Variants in EPM2A observed in about 807,000 individuals in gnomAD.
The protein encoded by EPM2A is laforin.
A neutral mutation model predicts 26.5 loss-of-function variants in EPM2A; 21 were observed. The ratio of observed to expected loss-of-function variants is 0.79; its 90% CI spans 0.56 to 1.14. The LOEUF (loss-of-function observed/expected upper bound fraction) is 1.14. EPM2A is among the 50% of genes most tolerant of loss of function. The pLI is 0.00. For synonymous variants in EPM2A, 217 were observed against 177.6 expected (o/e 1.22, Z -1.76); for missense variants, 458 against 440.8 (o/e 1.04, Z -0.35).
At chr6:145,471,757 C>A (rs755182265) in intron 4 of EPM2A, among the ~76,000 whole-genome samples, 2 of 152,026 alleles carry the variant, frequency 1.3e-5, no homozygotes, top group Non-Finnish European at 2.9e-5. Context: ...ACTTGAGTGC[C>A]CACAAACCTC....
chr6:145,727,636 T>G (rs960041636), intron 1 of EPM2A, among the ~76,000 whole-genome samples: 1 of 152,162 alleles, frequency 6.6e-6, no homozygotes, highest in Non-Finnish European at 1.5e-5. Context: ...GTCCCTACAC[T>G]CATAGAGTTT....
chr6:145,440,639 G>T (rs1779049788), intron 4 of EPM2A, among the ~76,000 whole-genome samples: 1 of 152,206 alleles, frequency 6.6e-6, no homozygotes, highest in Non-Finnish European at 1.5e-5. Context: ...ACAGGCATTG[G>T]TTAAATACAA....
At chr6:145,589,709 A>G (rs923956230) in intron 2 of EPM2A, among the ~76,000 whole-genome samples, 3 of 152,098 alleles carry the variant, frequency 2.0e-5, no homozygotes, top group Non-Finnish European at 2.9e-5. Flanking sequence ...GAGGACCTCA[A>G]TCTTGGTGAT....
intron 2 of EPM2A, among the ~76,000 whole-genome samples, chr6:145,549,883 C>T (rs1357907657): frequency 6.6e-6 from 1 of 152,056 alleles, no homozygotes; most frequent in Non-Finnish European, 1.5e-5. Context: ...CCTCATGTAC[C>T]ACACACCTCA....
chr6:145,466,248 CA>C lies in EPM2A; in HGVS notation c.555+36273del, dbSNP rs1201445059. ...AAATTTTCGCAACCTACTCATCTGACAAAGGGCTAATATCCAGAATCTACAA... is the reference window on the plus strand; with the variant it reads ...AAATTTTCGCAACCTACTCATCTGACAAGGGCTAATATCCAGAATCTACAA... On this transcript the variant is annotated intron_variant, in intron 4 of 4. Transcript: ENST00000638717. 2.7e-5 allele frequency among the ~76,000 whole-genome samples: 4 copies of C among 149,282 alleles called. No homozygotes were observed. In the East Asian group the frequency reaches 7.8e-4, roughly 29 times the overall value.
intron 2 of EPM2A, chr6:145,640,571 A>T (rs1267998931): frequency 6.6e-6 from 1 of 152,198 alleles, no homozygotes; most frequent in Non-Finnish European, 1.5e-5. Flanking sequence ...CTAAGAATTT[A>T]AAAGGAAAGA....
At chr6:145,391,320 C>G (rs890794170) in intron 4 of EPM2A, among the ~76,000 whole-genome samples, 2 of 152,166 alleles carry the variant, frequency 1.3e-5, no homozygotes, top group Admixed American at 1.3e-4. Context: ...AGCTGACAGA[C>G]ATTCCTTCCT....
chr6:145,475,787 A>G (rs1355077743), intron 4 of EPM2A, among the ~76,000 whole-genome samples: 1 of 152,112 alleles, frequency 6.6e-6, no homozygotes, highest in African/African-American at 2.4e-5. Flanking sequence ...ACCAAAAAAC[A>G]TACAATGGAT....
chr6:145,643,442 T>C (rs1011798023), intron 2 of EPM2A, among the ~76,000 whole-genome samples: 3 of 152,344 alleles, frequency 2.0e-5, no homozygotes, highest in East Asian at 3.9e-4. Flanking sequence ...AAAAACTTTA[T>C]ACACTGGATA....
chr6:145,568,299 G>C (rs187873503), intron 2 of EPM2A, among the ~76,000 whole-genome samples: 1 of 150,862 alleles, frequency 6.6e-6, no homozygotes, highest in South Asian at 2.1e-4. Flanking sequence ...GGTAAAAGCA[G>C]AACAGTAACC....
chr6:145,627,789 C>CA, intron 3 of EPM2A, 96 bp from the exon 4 acceptor site: 1 of 1,532,118 alleles, frequency 6.5e-7, no homozygotes, highest in Non-Finnish European at 8.8e-7. Context: ...CACAGGGCTG[C>CA]ACAGGGCCAG....
At chr6:145,516,517 G>T (rs1178379996) in intron 2 of EPM2A, among the ~76,000 whole-genome samples, 1 of 152,140 alleles carries the variant, frequency 6.6e-6, no homozygotes, top group Non-Finnish European at 1.5e-5. Flanking sequence ...GAGTATCAAA[G>T]AGACTGATAG....
At chr6:145,460,167 A>G (rs1228575120) in intron 4 of EPM2A, among the ~76,000 whole-genome samples, 2 of 152,154 alleles carry the variant, frequency 1.3e-5, no homozygotes, top group African/African-American at 4.8e-5. Context: ...TTTAGCTATA[A>G]AGGAGTTGAT....
intron 2 of EPM2A, among the ~76,000 whole-genome samples, chr6:145,567,249 AG>A (rs1163601021): frequency 2.0e-5 from 3 of 152,206 alleles, no homozygotes; most frequent in Non-Finnish European, 4.4e-5. Context: ...TCTTTTGGAA[AG>A]TTCTTCCTTA....
At position 145,540,025 on chromosome 6, in the gene EPM2A, G is replaced by T. The variant is rs75602740; in HGVS notation, c.341-37450C>A. Among the ~76,000 whole-genome samples, 249 of 152,202 alleles carry T rather than the reference G, an allele frequency of 1.6e-3. 1 individual carries two copies. The highest frequency in any genetic ancestry group is 5.8e-3 in the African/African-American group (241 of 41,534). On this transcript the variant is annotated intron_variant, in intron 2 of 3. Transcript: ENST00000450221. Reference sequence around the variant, plus strand: ...AGACAATCCTTCACCATTTTATCCTGCCTTGGCTGTTTCTTCCAGCAGAAA... The same window carrying T: ...AGACAATCCTTCACCATTTTATCCTTCCTTGGCTGTTTCTTCCAGCAGAAA...
chr6:145,705,922 G>A (rs972435003), intron 1 of EPM2A: 41 of 456,732 alleles, frequency 9.0e-5, no homozygotes, highest in Non-Finnish European at 1.5e-4. Context: ...AGATGGTGCT[G>A]GGTAACATGG....
intron 4 of EPM2A, among the ~76,000 whole-genome samples, chr6:145,422,912 C>T (rs1474228489): frequency 1.3e-5 from 2 of 151,906 alleles, no homozygotes; most frequent in Non-Finnish European, 2.9e-5. Flanking sequence ...CCATGACTCA[C>T]TCACTTTTAC....
At chr6:145,526,191 C>T (rs938132870) in intron 2 of EPM2A, among the ~76,000 whole-genome samples, 6 of 151,888 alleles carry the variant, frequency 4.0e-5, no homozygotes, top group African/African-American at 1.5e-4. Flanking sequence ...TGGATTCAGT[C>T]TGCTAGTATT....
intron 2 of EPM2A, among the ~76,000 whole-genome samples, chr6:145,673,315 G>C (rs1005687316): frequency 1.6e-4 from 25 of 152,160 alleles, no homozygotes; most frequent in Admixed American, 1.3e-4. Context: ...ATTCCAAGAT[G>C]GCCGAATAGG....
Sources: allele counts gnomAD v4.1 joint callset (sites outside exome capture counted in the v4.1 genomes callset), GRCh38; gene constraint gnomAD v4.1.1; transcripts MANE v1.5; gene names NCBI Gene and HGNC (gene_info 2026-07-23, HGNC 2026-07-21).